The following CEP112 variants were observed in gnomAD, a reference collection of about 807,000 sequenced individuals.
CEP112 encodes the protein centrosomal protein of 112 kDa.
A neutral mutation model predicts 153.0 loss-of-function variants in CEP112; 127 were observed. That is an observed-to-expected ratio of 0.83 (90% confidence interval 0.72 to 0.96). CEP112 has a LOEUF of 0.96. Ranked by LOEUF, CEP112 falls within the 40% of genes least tolerant of loss-of-function variation. The pLI, the probability that CEP112 is intolerant of heterozygous loss-of-function variation, is 0.00. For synonymous variants in CEP112, 358 were observed against 374.4 expected (o/e 0.96, Z 0.51); for missense variants, 1,089 against 1,101.2 (o/e 0.99, Z 0.16).
chr17:65,951,749 C>CCG lies in CEP112; in HGVS notation c.1872+9713_1872+9714insCG, dbSNP rs1555728024. ...TCTGCTCTAATCTTCCCCCGCCCCC[C>CCG]CCTTTCTTCCACTTGCTTAGAAGCT... On this transcript the variant is annotated intron_variant, in intron 18 of 26. Transcript: ENST00000535342. 2.3e-4 allele frequency among the ~76,000 whole-genome samples: 24 copies of CCG among 106,240 alleles called. 4 individuals are homozygous for CCG. The highest frequency in any genetic ancestry group is 1.4e-3 in the Admixed American group (12 of 8,800). 69.7% of individuals were successfully genotyped at this position (106,240 alleles called of 152,430 possible).
intron 21 of CEP112, among the ~76,000 whole-genome samples, chr17:65,817,081 T>A (rs1444033230): frequency 6.6e-6 from 1 of 151,938 alleles, no homozygotes; most frequent in Admixed American, 6.6e-5. Flanking sequence ...ACCTTTGTTT[T>A]TTTCTGCCTC....
At chr17:65,996,335 C>T (rs2063791909) in intron 17 of CEP112, among the ~76,000 whole-genome samples, 1 of 150,088 alleles carries the variant, frequency 6.7e-6, no homozygotes, top group African/African-American at 2.4e-5. Flanking sequence ...CCCCCTGAAT[C>T]TAAAAGAAAA....
chr17:66,105,394 G>A (rs559594837), intron 6 of CEP112, among the ~76,000 whole-genome samples: 54 of 152,090 alleles, frequency 3.6e-4, no homozygotes, highest in Non-Finnish European at 6.0e-4. Flanking sequence ...CAAAACAACC[G>A]GAAAACAACT....
intron 17 of CEP112, among the ~76,000 whole-genome samples, chr17:66,001,433 CA>C (rs1379763792): frequency 6.6e-6 from 1 of 152,124 alleles, no homozygotes; most frequent in East Asian, 1.9e-4. Flanking sequence ...TACTACTGTA[CA>C]TATACTTAAT....
chr17:65,951,401 TTTC>T (rs2061823559), intron 18 of CEP112, among the ~76,000 whole-genome samples: 1 of 152,188 alleles, frequency 6.6e-6, no homozygotes, highest in African/African-American at 2.4e-5. Flanking sequence ...GGCAATTAAA[TTTC>T]TTATTATATT....
chr17:65,776,251 T>C lies in CEP112; in HGVS notation c.2395-25527A>G, dbSNP rs538115687. ...CTGCCCGCCCCCATCCCCTTTTTTT[T>C]TGAGACGGAGTCTCGCTCTGTCGCC... is the stretch of plus-strand genomic sequence containing the variant. On this transcript the variant is annotated intron_variant, in intron 21 of 26. Coordinates refer to ENST00000535342, the MANE Select transcript of CEP112 (RefSeq NM_001199165.4). 4.1e-3 allele frequency among the ~76,000 whole-genome samples: 628 copies of C among 152,280 alleles called. 3 individuals are homozygous for C. The highest frequency in any genetic ancestry group is 0.014 in the African/African-American group (596 of 41,540).
chr17:65,771,028 A>G (rs1046705322), intron 21 of CEP112, among the ~76,000 whole-genome samples: 72 of 152,060 alleles, frequency 4.7e-4, no homozygotes, highest in African/African-American at 1.6e-3. Flanking sequence ...AAACCTAACA[A>G]TATCAATAAC....
chr17:66,015,811 C>T (rs2064746085), intron 16 of CEP112, among the ~76,000 whole-genome samples: 1 of 152,108 alleles, frequency 6.6e-6, no homozygotes, highest in South Asian at 2.1e-4. Context: ...AAAGTTTTCT[C>T]ATATCTTTAG....
intron 21 of CEP112, among the ~76,000 whole-genome samples, chr17:65,847,266 T>C (rs984235921): frequency 1.3e-5 from 2 of 152,146 alleles, no homozygotes; most frequent in African/African-American, 4.8e-5. Context: ...TCCCTTGTGT[T>C]CTCACTTCAA....
chr17:65,838,101 A>T (rs994298511), intron 21 of CEP112, among the ~76,000 whole-genome samples: 15 of 151,438 alleles, frequency 9.9e-5, no homozygotes, highest in East Asian at 5.9e-4. Context: ...TAAAAAAATT[A>T]AAAAAAAATA....
chr17:66,052,813 T>C (rs909496187), intron 12 of CEP112, among the ~76,000 whole-genome samples: 3 of 151,910 alleles, frequency 2.0e-5, no homozygotes, highest in Non-Finnish European at 2.9e-5. Flanking sequence ...CAAAAAAAGA[T>C]AGAAAAGAAA....
chr17:65,737,179 T>G (rs1161242140), intron 23 of CEP112, among the ~76,000 whole-genome samples: 1 of 151,580 alleles, frequency 6.6e-6, no homozygotes, highest in Non-Finnish European at 1.5e-5. Context: ...TAAAGAAGAG[T>G]AAAAGCTAGC....
intron 19 of CEP112, among the ~76,000 whole-genome samples, chr17:65,924,355 A>G (rs544013389): frequency 6.6e-6 from 1 of 152,302 alleles, no homozygotes; most frequent in East Asian, 1.9e-4. Flanking sequence ...ATATGTGAAC[A>G]TGCATTTTTT....
At chr17:65,896,882 C>T (rs1047752395) in intron 20 of CEP112, among the ~76,000 whole-genome samples, 1 of 152,048 alleles carries the variant, frequency 6.6e-6, no homozygotes, top group Non-Finnish European at 1.5e-5. Context: ...TGTGGTTTTA[C>T]CAGGAGTCCA....
At position 66,069,968 on chromosome 17, in the gene CEP112, A is replaced by T. The variant is rs779717525; in HGVS notation, c.802T>A (p.Phe268Ile). The change falls in exon 9 of 27, where the codon TTT becomes ATT. Residue 268 changes from phenylalanine (F) to isoleucine (I), a missense_variant. Phe to Ile is a conservative substitution (Grantham distance 21). Transcript: ENST00000535342. The part of the protein sequence containing the change: ...DMKTKMMEAK[F>I]HEEKLKLQQK... The stretch of plus-strand genomic sequence containing the variant: ...TGCAGTTTAAGCTTTTCTTCATGAA[A>T]TTTAGCTTCCATCATTTTTGTTTTC... 1 of 1,607,622 alleles carries T rather than the reference A, an allele frequency of 6.2e-7. No individual in the cohort carries two copies. The highest frequency in any genetic ancestry group is 8.5e-7 in the Non-Finnish European group (1 of 1,176,196).
At chr17:65,745,939 G>A (rs1019610812) in intron 22 of CEP112, among the ~76,000 whole-genome samples, 4 of 151,806 alleles carry the variant, frequency 2.6e-5, no homozygotes, top group East Asian at 1.9e-4. Flanking sequence ...TGAGGCGGCC[G>A]GATCACCTGA....
chr17:65,667,755 C>T (rs1015711733), intron 24 of CEP112, among the ~76,000 whole-genome samples: 3 of 152,212 alleles, frequency 2.0e-5, no homozygotes, highest in South Asian at 2.1e-4. Flanking sequence ...TGAGGATAAA[C>T]GTAACTTGTA....
intron 20 of CEP112, among the ~76,000 whole-genome samples, chr17:65,870,077 G>GAAAGAAAGAAAGAAAGAAAGA (rs1555689593): frequency 1.4e-5 from 2 of 147,862 alleles, no homozygotes; most frequent in Admixed American, 6.7e-5. Context: ...AAGAAAGAAA[G>GAAAGAAAGAAAGAAAGAAAGA]AAAGAAAAGA....
At chr17:66,157,437 A>C (rs2071493367) in intron 4 of CEP112, among the ~76,000 whole-genome samples, 1 of 152,192 alleles carries the variant, frequency 6.6e-6, no homozygotes, top group African/African-American at 2.4e-5. Flanking sequence ...CCAAATTATA[A>C]AAACCATCGA....
Sources: gnomAD v4.1 joint callset for allele counts (sites outside exome capture counted in the v4.1 genomes callset) on GRCh38, gnomAD v4.1.1 for gene constraint, MANE v1.5 for transcripts, NCBI Gene and HGNC (gene_info 2026-07-23, HGNC 2026-07-21) for gene names.